The following CNTN6 variants were observed in gnomAD, a reference collection of about 807,000 sequenced individuals.
The protein encoded by CNTN6 is contactin-6.
CNTN6 carries 137 observed loss-of-function variants against 122.8 expected under a neutral mutation model. The ratio of observed to expected loss-of-function variants is 1.12; its 90% CI spans 0.97 to 1.29. CNTN6 has a LOEUF of 1.29. Ranked by LOEUF, CNTN6 falls within the 50% of genes most tolerant of loss-of-function variation. CNTN6 has a pLI of 0.00. For synonymous variants in CNTN6, 570 were observed against 426.0 expected (o/e 1.34, Z -4.16); for missense variants, 1,634 against 1,223.4 (o/e 1.34, Z -5.01).
intron 4 of CNTN6, among the ~76,000 whole-genome samples, chr3:1,247,611 A>T (rs949598597): frequency 3.9e-5 from 6 of 152,192 alleles, no homozygotes; most frequent in Non-Finnish European, 7.3e-5. Flanking sequence ...AGAGCGGTAC[A>T]TATCTTTCAT....
intron 6 of CNTN6, 35 bp from the exon 7 acceptor site, chr3:1,297,854 C>G (rs776458594): frequency 3.9e-6 from 6 of 1,521,922 alleles, no homozygotes; most frequent in African/African-American, 1.4e-5. Context: ...CTTCTATTCT[C>G]CAGAAATGCT....
intron 4 of CNTN6, among the ~76,000 whole-genome samples, chr3:1,271,699 A>C (rs2095030331): frequency 6.6e-6 from 1 of 152,210 alleles, no homozygotes; most frequent in African/African-American, 2.4e-5. Context: ...ACTTCTAGAA[A>C]CTACAAATTC....
At chr3:1,372,519 C>A (rs778551685) in intron 13 of CNTN6, 45 bp downstream of exon 13, 4 of 1,442,116 alleles carry the variant, frequency 2.8e-6, no homozygotes, top group Admixed American at 2.2e-5. Flanking sequence ...TGAATCAAGT[C>A]TTTTACATGA....
chr3:1,282,410 C>T (rs1323444619), intron 5 of CNTN6, among the ~76,000 whole-genome samples: 8 of 152,148 alleles, frequency 5.3e-5, no homozygotes, highest in East Asian at 1.9e-4. Flanking sequence ...CAGTTCAAGA[C>T]GCTCTATTTT....
chr3:1,201,524 A>C (rs1192391260), intron 2 of CNTN6, among the ~76,000 whole-genome samples: 1 of 152,182 alleles, frequency 6.6e-6, no homozygotes, highest in Non-Finnish European at 1.5e-5. Flanking sequence ...TATCATTGGA[A>C]CTGAAAAACA....
intron 2 of CNTN6, among the ~76,000 whole-genome samples, chr3:1,178,416 G>C (rs748163875): frequency 9.9e-5 from 15 of 152,056 alleles, no homozygotes; most frequent in Non-Finnish European, 1.8e-4. Flanking sequence ...TCCATTCCTA[G>C]ATTTCTACTT....
chr3:1,271,251 A>G (rs1575500214), intron 4 of CNTN6, among the ~76,000 whole-genome samples: 2 of 152,188 alleles, frequency 1.3e-5, no homozygotes, highest in African/African-American at 4.8e-5. Flanking sequence ...AGATCAATCA[A>G]TTTCTGGTGT....
chr3:1,094,306 T>A (rs1156454505), intron 1 of CNTN6, among the ~76,000 whole-genome samples: 1 of 152,170 alleles, frequency 6.6e-6, no homozygotes, highest in Non-Finnish European at 1.5e-5. Context: ...ATACGCATGT[T>A]CACAAAACAA....
At chr3:1,232,589 A>G (rs2094366044) in intron 4 of CNTN6, among the ~76,000 whole-genome samples, 1 of 152,196 alleles carries the variant, frequency 6.6e-6, no homozygotes, top group South Asian at 2.1e-4. Context: ...CATGATCTTC[A>G]CTTTCAGATA....
chr3:1,218,668 T>C (rs997868329), intron 2 of CNTN6, among the ~76,000 whole-genome samples: 1 of 151,522 alleles, frequency 6.6e-6, no homozygotes, highest in African/African-American at 2.4e-5. Flanking sequence ...TAAATGGGAG[T>C]TGCAAATATA....
chr3:1,326,723 G>A (rs920859329), intron 9 of CNTN6, among the ~76,000 whole-genome samples: 3 of 151,824 alleles, frequency 2.0e-5, no homozygotes, highest in African/African-American at 7.2e-5. Context: ...TCTGTTGTTT[G>A]GAAGCTGAAT....
intron 2 of CNTN6, among the ~76,000 whole-genome samples, chr3:1,177,330 G>C (rs2093470138): frequency 6.6e-6 from 1 of 152,142 alleles, no homozygotes; most frequent in African/African-American, 2.4e-5. Flanking sequence ...GTGTGATGTT[G>C]TTATGATTAT....
chr3:1,381,983 T>C (rs1274618794), intron 17 of CNTN6, among the ~76,000 whole-genome samples: 1 of 151,828 alleles, frequency 6.6e-6, no homozygotes, highest in African/African-American at 2.4e-5. Flanking sequence ...GATAGTGTGA[T>C]TGATAGAATA....
chr3:1,242,795 C>A (rs1444419788), intron 4 of CNTN6, among the ~76,000 whole-genome samples: 1 of 151,972 alleles, frequency 6.6e-6, no homozygotes, highest in Non-Finnish European at 1.5e-5. Flanking sequence ...GGGAACTGGG[C>A]AGGTGGGGAT....
At chr3:1,292,010 C>G (rs1695409929) in intron 5 of CNTN6, among the ~76,000 whole-genome samples, 1 of 152,054 alleles carries the variant, frequency 6.6e-6, no homozygotes, top group Non-Finnish European at 1.5e-5. Flanking sequence ...TTAGGTTTAA[C>G]CCCCATCCAT....
At chr3:1,310,217 C>A (rs1010107517) in intron 7 of CNTN6, among the ~76,000 whole-genome samples, 1 of 152,102 alleles carries the variant, frequency 6.6e-6, no homozygotes, top group African/African-American at 2.4e-5. Context: ...ATGAAAGCAT[C>A]CAATTTCTCA....
chr3:1,295,727 A>C lies in CNTN6; in HGVS notation c.581A>C (p.Tyr194Ser), dbSNP rs1457281428. The C allele has an allele frequency of 6.2e-7, 1 of 1,614,088 alleles. No homozygotes were observed. Among genetic ancestry groups the C allele is most frequent in the Non-Finnish European group, 8.5e-7 (1 of 1,179,942 alleles). ...GTGGAACCATCAGATGTGGGCAACTACACTTGCTTTATAACTAACAAAGAG... is the reference window on the plus strand; with the variant it reads ...GTGGAACCATCAGATGTGGGCAACTCCACTTGCTTTATAACTAACAAAGAG... ...AKVEPSDVGN[Y>S]TCFITNKEAQ... The change falls in exon 6 of 23, where the codon TAC becomes TCC. Residue 194 changes from tyrosine (Y) to serine (S), a missense_variant. Transcript: ENST00000446702.
rs193037578 is a variant in CNTN6 at position 1,135,940 on chromosome 3, C to A, written c.-82-11987C>A. 1.5e-4 allele frequency among the ~76,000 whole-genome samples: 23 copies of A among 152,164 alleles called. No homozygotes were observed. The East Asian group carries it at 2.7e-3, about 18-fold the overall frequency. ...CTGGGAGGCGGAGGTTGCCGTGAGCCGAGATTGCGCCACTGCACTCCAGCC... is the reference window on the plus strand; with the variant it reads ...CTGGGAGGCGGAGGTTGCCGTGAGCAGAGATTGCGCCACTGCACTCCAGCC... On this transcript the variant is annotated intron_variant, in intron 1 of 22. Transcript: ENST00000446702.
At chr3:1,215,526 C>A (rs1177302521) in intron 2 of CNTN6, among the ~76,000 whole-genome samples, 1 of 151,936 alleles carries the variant, frequency 6.6e-6, no homozygotes, top group Non-Finnish European at 1.5e-5. Context: ...TTATCTGGTT[C>A]TATTGTCTGT....
Sources: allele counts gnomAD v4.1 joint callset (sites outside exome capture counted in the v4.1 genomes callset), GRCh38; gene constraint gnomAD v4.1.1; transcripts MANE v1.5; gene names NCBI Gene and HGNC (gene_info 2026-07-23, HGNC 2026-07-21).